Variants in LINGO2 observed in about 807,000 individuals in gnomAD.
LINGO2 encodes leucine rich repeat and Ig domain containing 2, also known as leucine-rich repeat and immunoglobulin-like domain-containing nogo receptor-interacting protein 2.
Under a neutral mutation model 30.6 loss-of-function variants are expected in LINGO2, and 14 were observed. The observed-to-expected ratio is 0.46, with a 90% CI of 0.30 to 0.72. The LOEUF is 0.72. Ranked by LOEUF, LINGO2 falls within the 30% of genes least tolerant of loss-of-function variation. LINGO2 has a pLI of 0.07. For missense variants in LINGO2, 729 were observed against 751.7 expected (o/e 0.97, Z 0.35); for synonymous variants, 317 against 288.5 (o/e 1.10, Z -1.00).
chr9:28,800,076 T>C, the LINGO2 span, among the ~76,000 whole-genome samples: 213 of 152,250 alleles, frequency 1.4e-3, 1 homozygote, highest in Admixed American at 2.0e-3. Context: ...ATGCTTTTGA[T>C]GAAAGGATGA....
intron 1 of LINGO2, among the ~76,000 whole-genome samples, chr9:28,505,140 A>C (rs1022613121): frequency 6.6e-6 from 1 of 151,924 alleles, no homozygotes; most frequent in African/African-American, 2.4e-5. Flanking sequence ...AAATTAACCA[A>C]CTATAATGAT....
At chr9:28,016,340 T>G (rs140834414) in intron 4 of LINGO2, among the ~76,000 whole-genome samples, 2 of 152,286 alleles carry the variant, frequency 1.3e-5, no homozygotes, top group East Asian at 3.9e-4. Context: ...TCAGGCTATC[T>G]GAGGTACAAC....
chr9:28,469,999 A>C (rs534736875), intron 2 of LINGO2, among the ~76,000 whole-genome samples: 1 of 152,164 alleles, frequency 6.6e-6, no homozygotes, highest in African/African-American at 2.4e-5. Context: ...CAAATGTATA[A>C]AATAATTCTA....
chr9:28,020,542 AAAACAAAACAAAACAAAACAAAACAAAAC>A (rs1005075241), intron 4 of LINGO2, among the ~76,000 whole-genome samples: 16 of 4,828 alleles, frequency 3.3e-3, no homozygotes, highest in Admixed American at 4.9e-3. Flanking sequence ...AAAACAAAAC[AAAACAAAACAAAACAAAACAAAACAAAAC>A]AAACAAAACA....
intron 4 of LINGO2, among the ~76,000 whole-genome samples, chr9:28,200,399 A>C (rs1427836146): frequency 1.3e-5 from 2 of 152,190 alleles, no homozygotes; most frequent in Non-Finnish European, 1.5e-5. Flanking sequence ...TTAAGATCAC[A>C]CAGGCTTTAT....
intron 3 of LINGO2, among the ~76,000 whole-genome samples, chr9:28,356,119 G>C (rs766251021): frequency 3.9e-5 from 6 of 152,102 alleles, no homozygotes; most frequent in African/African-American, 1.4e-4. Flanking sequence ...CATCCATGCA[G>C]TTGCTAAAAT....
chr9:28,057,508 T>C (rs535825733), intron 4 of LINGO2, among the ~76,000 whole-genome samples: 118 of 149,532 alleles, frequency 7.9e-4, no homozygotes, highest in African/African-American at 2.9e-3. Context: ...TGTGAATGTA[T>C]GCATATATGT....
chr9:29,042,384 C>A, the LINGO2 span, among the ~76,000 whole-genome samples: 1 of 151,890 alleles, frequency 6.6e-6, no homozygotes, highest in Non-Finnish European at 1.5e-5. Flanking sequence ...ACACAAAAAC[C>A]TGTATATGAA....
At chr9:28,010,603 A>G (rs971009044) in intron 5 of LINGO2, among the ~76,000 whole-genome samples, 2 of 152,230 alleles carry the variant, frequency 1.3e-5, no homozygotes, top group African/African-American at 4.8e-5. Context: ...AATATCCTCA[A>G]ATAGCCACAG....
At chr9:28,297,378 A>C (rs192557942) in intron 3 of LINGO2, among the ~76,000 whole-genome samples, 117 of 152,232 alleles carry the variant, frequency 7.7e-4, no homozygotes, top group East Asian at 6.8e-3. Context: ...CCTCTTATTC[A>C]TTCCACACAT....
At chr9:28,632,856 TTA>T (rs543651831) in intron 1 of LINGO2, among the ~76,000 whole-genome samples, 2,923 of 93,584 alleles carry the variant, frequency 0.031, 80 homozygotes, top group Non-Finnish European at 0.038. Flanking sequence ...TATATATTTT[TTA>T]TATATATATA....
the LINGO2 span, among the ~76,000 whole-genome samples, chr9:29,018,203 G>A: frequency 9.3e-5 from 14 of 150,756 alleles, no homozygotes; most frequent in South Asian, 2.1e-4. Flanking sequence ...ACGGAATAAC[G>A]AATACTGCAT....
At chr9:29,138,273 C>T in the LINGO2 span, among the ~76,000 whole-genome samples, 2 of 151,974 alleles carry the variant, frequency 1.3e-5, no homozygotes, top group Admixed American at 6.6e-5. Flanking sequence ...AATTACTTTG[C>T]TCGAAAACTT....
chr9:28,615,413 T>C (rs943347933), intron 1 of LINGO2, among the ~76,000 whole-genome samples: 3 of 152,298 alleles, frequency 2.0e-5, no homozygotes, highest in African/African-American at 7.2e-5. Context: ...AGGGCTGCAA[T>C]ATAAGCTCCA....
the LINGO2 span, among the ~76,000 whole-genome samples, chr9:28,689,832 A>G: frequency 6.6e-6 from 1 of 152,186 alleles, no homozygotes; most frequent in African/African-American, 2.4e-5. Flanking sequence ...AATGACCATC[A>G]ATGATAGACT....
the LINGO2 span, among the ~76,000 whole-genome samples, chr9:28,996,779 T>G: frequency 6.6e-6 from 1 of 152,202 alleles, no homozygotes; most frequent in African/African-American, 2.4e-5. Flanking sequence ...ATACCTCATA[T>G]TTATATTTTA....
At chr9:28,099,332 T>G (rs1168406253) in intron 4 of LINGO2, among the ~76,000 whole-genome samples, 2 of 152,168 alleles carry the variant, frequency 1.3e-5, no homozygotes, top group African/African-American at 4.8e-5. Context: ...GGCTTTTTAT[T>G]TTTGAAAAAT....
At chr9:28,514,245 AG>A (rs1171255343) in intron 1 of LINGO2, among the ~76,000 whole-genome samples, 1 of 152,304 alleles carries the variant, frequency 6.6e-6, no homozygotes, top group African/African-American at 2.4e-5. Flanking sequence ...TAGGCCAATG[AG>A]TAACCCTACA....
At chr9:29,085,275 G>A in the LINGO2 span, among the ~76,000 whole-genome samples, 1 of 52,132 alleles carries the variant, frequency 1.9e-5, no homozygotes, top group Non-Finnish European at 4.0e-5. Flanking sequence ...AATAGCCTAT[G>A]GTAAGTAAAA....
Sources: allele counts gnomAD v4.1 joint callset (sites outside exome capture counted in the v4.1 genomes callset), GRCh38; gene constraint gnomAD v4.1.1; transcripts MANE v1.5; gene names NCBI Gene and HGNC (gene_info 2026-07-23, HGNC 2026-07-21).